The following CHRDL1 variants were observed in gnomAD, a reference collection of about 807,000 sequenced individuals.
The protein encoded by CHRDL1 is chordin-like protein 1.
In CHRDL1, 19 loss-of-function variants were observed where a neutral mutation model predicts 40.9. The ratio of observed to expected loss-of-function variants is 0.46; its 90% CI spans 0.32 to 0.68. The LOEUF (loss-of-function observed/expected upper bound fraction) is 0.68, where lower values mean the gene tolerates loss of function less well. Ranked by LOEUF, CHRDL1 falls within the 30% of genes least tolerant of loss-of-function variation. CHRDL1 has a pLI of 0.03. For synonymous variants in CHRDL1, 136 were observed against 123.4 expected (o/e 1.10, Z -0.68); for missense variants, 329 against 352.1 (o/e 0.93, Z 0.53).
chrX:110,679,225 A>T (rs1450286697), intron 11 of CHRDL1, 111 bp downstream of exon 11: 2 of 554,933 alleles, frequency 3.6e-6, no homozygotes, highest in Non-Finnish European at 6.4e-6. Flanking sequence ...TAGTGTTGAT[A>T]CTGAGCAGTG....
intron 11 of CHRDL1, among the ~76,000 whole-genome samples, chrX:110,679,107 A>G (rs2069841069): frequency 9.0e-6 from 1 of 111,514 alleles, no homozygotes; most frequent in African/African-American, 3.3e-5. Flanking sequence ...GAGGTATCCT[A>G]TGCTCAGACT....
chrX:110,744,155 A>T (rs1470981525), intron 4 of CHRDL1, among the ~76,000 whole-genome samples: 1 of 112,226 alleles, frequency 8.9e-6, no homozygotes, highest in Admixed American at 9.4e-5. Flanking sequence ...GTGCATTTTT[A>T]AAAAATCAAA....
intron 2 of CHRDL1, among the ~76,000 whole-genome samples, chrX:110,787,510 G>A (rs1229324915): frequency 8.9e-6 from 1 of 112,486 alleles, no homozygotes; most frequent in African/African-American, 3.2e-5. Context: ...ACAGGTCCAC[G>A]CATTTGCTTG....
intron 4 of CHRDL1, among the ~76,000 whole-genome samples, chrX:110,730,756 T>A (rs993555444): frequency 2.7e-5 from 3 of 111,154 alleles, no homozygotes; most frequent in African/African-American, 9.8e-5. Flanking sequence ...CACCGTATTT[T>A]AACCATCATT....
intron 4 of CHRDL1, among the ~76,000 whole-genome samples, chrX:110,739,732 G>A (rs1461287804): frequency 8.9e-6 from 1 of 112,161 alleles, no homozygotes; most frequent in Non-Finnish European, 1.9e-5. Context: ...AAAATCATGG[G>A]CCATATGTTT....
chrX:110,688,765 A>C lies in CHRDL1; in HGVS notation c.817T>G (p.Ser273Ala). The change falls in exon 9 of 12, where the codon TCC becomes GCC. Residue 273 changes from serine to alanine, a missense_variant. By Grantham distance (99) the Ser-to-Ala change is moderately conservative (BLOSUM62 1). Coordinates refer to ENST00000372042, the MANE Select transcript of CHRDL1 (RefSeq NM_001143981.2). ...SNGKTYSHGE[S>A]WHPNLRAFGI... ...AATGCCCGGAGGTTTGGGTGCCAGGACTCGCCATGAGAATAGGTCTTTCCA... is the reference window on the plus strand; with the variant it reads ...AATGCCCGGAGGTTTGGGTGCCAGGCCTCGCCATGAGAATAGGTCTTTCCA... 3 of 1,208,752 alleles carry C rather than the reference A, an allele frequency of 2.5e-6. No homozygotes were observed. The highest frequency in any genetic ancestry group is 3.4e-6 in the Non-Finnish European group (3 of 893,743).
At chrX:110,717,674 G>A (rs2070868169) in intron 6 of CHRDL1, among the ~76,000 whole-genome samples, 1 of 112,297 alleles carries the variant, frequency 8.9e-6, no homozygotes, top group Non-Finnish European at 1.9e-5. Flanking sequence ...ATGAGATTAA[G>A]TGAGTTCATA....
chrX:110,677,821 T>C lies in CHRDL1; in HGVS notation c.1247-1460A>G, dbSNP rs1035815926. Among the ~76,000 whole-genome samples the C allele has an allele frequency of 2.7e-5, 3 of 111,833 alleles. No homozygotes were observed. In the Admixed American group the frequency reaches 2.9e-4, roughly 11 times the overall value. On this transcript the variant is annotated intron_variant, in intron 11 of 11. Coordinates refer to ENST00000372042, the MANE Select transcript of CHRDL1 (RefSeq NM_001143981.2). ...TTTAAACATGTTCCAAGTGAAACTC[T>C]TTTTCACCAATACCTGCTTATTCTT...
At chrX:110,787,785 C>T (rs991869127) in intron 2 of CHRDL1, among the ~76,000 whole-genome samples, 41 of 112,543 alleles carry the variant, frequency 3.6e-4, no homozygotes, top group Non-Finnish European at 1.3e-4. Context: ...ATCCAGTTAA[C>T]TACCTTGTAA....
In CHRDL1 at chrX:110,694,167, T is replaced by C. The variant is rs1373935472; in HGVS notation, c.774A>G (p.Gly258=). The change falls in exon 8 of 12, where the codon GGA becomes GGG. Residue 258 remains glycine (G), a synonymous_variant. Transcript: ENST00000372042. ...QIVINNKHKH[G]QVCVSNGKTY... ...CAAAAGAAGGATGCCCCTTACCTTGTCCATGCTTGTGTTTGTTATTGATGA... is the reference window on the plus strand; with the variant it reads ...CAAAAGAAGGATGCCCCTTACCTTGCCCATGCTTGTGTTTGTTATTGATGA... The C allele has an allele frequency of 8.3e-7, 1 of 1,203,086 alleles. No individual in the cohort carries two copies. Among genetic ancestry groups the C allele is most frequent in the Non-Finnish European group, 1.1e-6 (1 of 889,482 alleles).
At chrX:110,776,357 C>T (rs1236421777) in intron 2 of CHRDL1, among the ~76,000 whole-genome samples, 2 of 109,680 alleles carry the variant, frequency 1.8e-5, no homozygotes, top group East Asian at 5.7e-4. Flanking sequence ...TCTCTGAATA[C>T]AGAATTCCAG....
rs773711792 is a variant in CHRDL1, at chrX:110,690,759, A to G, written c.779-1956T>C. On this transcript the variant is annotated intron_variant, in intron 8 of 11. Coordinates refer to ENST00000372042, the MANE Select transcript of CHRDL1 (RefSeq NM_001143981.2). ...TGAAGGGATAGCCTTTTATGCCTCT[A>G]ATTTCAGGCAATTTCCTCAGTCTCC... 7.2e-5 allele frequency among the ~76,000 whole-genome samples: 8 copies of G among 111,799 alleles called. No individual in the cohort carries two copies. In the South Asian group the frequency reaches 3.0e-3, roughly 42 times the overall value.
chrX:110,687,976 T>C (rs889579119), intron 9 of CHRDL1, among the ~76,000 whole-genome samples: 6 of 111,942 alleles, frequency 5.4e-5, no homozygotes, highest in Admixed American at 2.9e-4. Flanking sequence ...GATTGATTAG[T>C]TGAATGAATC....
At chrX:110,739,275 A>C (rs2071319987) in intron 4 of CHRDL1, among the ~76,000 whole-genome samples, 1 of 111,851 alleles carries the variant, frequency 8.9e-6, no homozygotes, top group Non-Finnish European at 1.9e-5. Flanking sequence ...TATGCAGCGG[A>C]ATACACAATG....
intron 4 of CHRDL1, among the ~76,000 whole-genome samples, chrX:110,725,531 C>T (rs893260696): frequency 3.6e-5 from 4 of 109,881 alleles, no homozygotes; most frequent in Non-Finnish European, 7.6e-5. Context: ...TCTTTTTGTA[C>T]GCCTTCCCTC....
At chrX:110,702,664 G>C (rs1236996341) in intron 6 of CHRDL1, among the ~76,000 whole-genome samples, 1 of 111,968 alleles carries the variant, frequency 8.9e-6, no homozygotes, top group Admixed American at 9.5e-5. Flanking sequence ...ATAAATACTT[G>C]TCAAATGATG....
At chrX:110,746,548 A>G (rs2089257111) in intron 4 of CHRDL1, among the ~76,000 whole-genome samples, 1 of 110,239 alleles carries the variant, frequency 9.1e-6, no homozygotes, top group African/African-American at 3.3e-5. Flanking sequence ...CTGAAAATCT[A>G]ATCAGAAGGA....
intron 5 of CHRDL1, among the ~76,000 whole-genome samples, chrX:110,720,852 G>A (rs1023561236): frequency 8.9e-6 from 1 of 111,735 alleles, no homozygotes; most frequent in Non-Finnish European, 1.9e-5. Flanking sequence ...TAAAGTAAAT[G>A]CAGTTCTTCT....
intron 4 of CHRDL1, among the ~76,000 whole-genome samples, chrX:110,745,841 G>C (rs2089237388): frequency 8.9e-6 from 1 of 112,034 alleles, no homozygotes; most frequent in Non-Finnish European, 1.9e-5. Flanking sequence ...GTGAATTAAT[G>C]AATGTGTGGA....
Sources: gnomAD v4.1 joint callset for allele counts (sites outside exome capture counted in the v4.1 genomes callset) on GRCh38, gnomAD v4.1.1 for gene constraint, MANE v1.5 for transcripts, NCBI Gene and HGNC (gene_info 2026-07-23, HGNC 2026-07-21) for gene names.